PFKFB3: variants seen among roughly 807,000 people sequenced by gnomAD.
The protein encoded by PFKFB3 is 6-phosphofructo-2-kinase/fructose-2,6-biphosphatase 3.
PFKFB3 carries 33 observed loss-of-function variants against 68.0 expected under a neutral mutation model. The observed-to-expected ratio is 0.49, with a 90% CI of 0.37 to 0.65. The LOEUF is 0.65. Among genes scored for constraint, PFKFB3 ranks in the 30% least tolerant of loss-of-function variants. The pLI is 0.00. For synonymous variants in PFKFB3, 315 were observed against 288.2 expected, an observed-to-expected ratio of 1.09 and a Z score of -0.94; for missense variants, 586 against 712.2, an observed-to-expected ratio of 0.82 and a Z score of 2.02.
At chr10:6,268,507 C>A in the PFKFB3 span, among the ~76,000 whole-genome samples, 2 of 152,028 alleles carry the variant, frequency 1.3e-5, no homozygotes, top group African/African-American at 4.8e-5. Flanking sequence ...CACCTGTAAT[C>A]CCAGCTACTC....
the PFKFB3 span, among the ~76,000 whole-genome samples, chr10:6,308,806 T>A: frequency 6.6e-6 from 1 of 152,358 alleles, no homozygotes; most frequent in East Asian, 1.9e-4. Flanking sequence ...TCAGTGTAAA[T>A]CTTTCTTGTT....
intron 1 of PFKFB3, among the ~76,000 whole-genome samples, chr10:6,184,274 A>C (rs942334116): frequency 1.3e-5 from 2 of 151,656 alleles, no homozygotes; most frequent in African/African-American, 4.8e-5. Context: ...CCTGGTCTCG[A>C]GCTTCTGACC....
At chr10:6,263,151 A>G in the PFKFB3 span, among the ~76,000 whole-genome samples, 2 of 152,234 alleles carry the variant, frequency 1.3e-5, no homozygotes, top group South Asian at 2.1e-4. Context: ...AGTCCTTAGC[A>G]TTGTTTCTAT....
intron 14 of PFKFB3, among the ~76,000 whole-genome samples, chr10:6,251,944 G>A (rs1846390499): frequency 6.6e-6 from 1 of 152,020 alleles, no homozygotes; most frequent in Non-Finnish European, 1.5e-5. Context: ...CTCCAGCCTG[G>A]GTGACAGAGT....
chr10:6,283,257 C>G, the PFKFB3 span, among the ~76,000 whole-genome samples: 4 of 152,172 alleles, frequency 2.6e-5, no homozygotes, highest in African/African-American at 9.7e-5. Context: ...AGTGAGCCAC[C>G]GCGCCCAGCC....
intron 1 of PFKFB3, among the ~76,000 whole-genome samples, chr10:6,184,033 G>T (rs1225674522): frequency 1.1e-5 from 1 of 93,108 alleles, no homozygotes; most frequent in East Asian, 3.2e-4. Flanking sequence ...CATCACTGGA[G>T]ATGCTTTTTG....
chr10:6,224,104 T>C, intron 12 of PFKFB3, 45 bp from the exon 13 acceptor site: 2 of 1,612,810 alleles, frequency 1.2e-6, no homozygotes, highest in Non-Finnish European at 8.5e-7. Context: ...AGCGGTGCTG[T>C]CCCTTTAACA....
chr10:6,231,326 G>A, intron 14 of PFKFB3: 2 of 1,612,376 alleles, frequency 1.2e-6, no homozygotes, highest in South Asian at 2.2e-5. Flanking sequence ...TAAATGCCTG[G>A]GTGCATGTCC....
chr10:6,180,885 G>A (rs1292706131), intron 1 of PFKFB3, among the ~76,000 whole-genome samples: 4 of 152,134 alleles, frequency 2.6e-5, no homozygotes, highest in African/African-American at 7.2e-5. Flanking sequence ...GCAGAATTGT[G>A]GTATGTGTTC....
chr10:6,298,475 A>G, the PFKFB3 span, among the ~76,000 whole-genome samples: 91 of 151,752 alleles, frequency 6.0e-4, no homozygotes, highest in East Asian at 0.014. Context: ...TGGGGTCAAG[A>G]GATCCTCTCA....
At chr10:6,207,426 GGGGAGA>G (rs369748729) in intron 1 of PFKFB3, among the ~76,000 whole-genome samples, 1,614 of 152,256 alleles carry the variant, frequency 0.011, 15 homozygotes, top group African/African-American at 0.026. Context: ...GGGAGACCGT[GGGGAGA>G]GGGAGAGGGA....
chr10:6,250,351 A>G (rs1846352812), intron 14 of PFKFB3, among the ~76,000 whole-genome samples: 1 of 151,996 alleles, frequency 6.6e-6, no homozygotes. Context: ...AGATCACGAG[A>G]TCAGGCAATC....
chr10:6,210,241 TTTAG>T (rs1844079786), intron 1 of PFKFB3, among the ~76,000 whole-genome samples: 1 of 119,624 alleles, frequency 8.4e-6, no homozygotes, highest in East Asian at 2.2e-4. Flanking sequence ...GACAAAAAGA[TTTAG>T]TAAGGATTTG....
At chr10:6,280,161 G>A in the PFKFB3 span, among the ~76,000 whole-genome samples, 983 of 152,294 alleles carry the variant, frequency 6.5e-3, 7 homozygotes, top group African/African-American at 0.022. Context: ...CAGTGCTGGC[G>A]TCTCTTCCTC....
rs868841947 is a variant in PFKFB3, at chr10:6,206,489, T to C, written c.76+3153T>C. On this transcript the variant is annotated intron_variant, in intron 1 of 14. Coordinates refer to ENST00000379775, the MANE Select transcript of PFKFB3 (RefSeq NM_004566.4). ...TGGGTACACCTCCCAGACGGGGTGG[T>C]GGCCGGGCAGAGGGGCTCCTCACTT... is the stretch of plus-strand genomic sequence containing the variant. Among the ~76,000 whole-genome samples the C allele has an allele frequency of 1.7e-3, 157 of 94,958 alleles. 4 individuals carry two copies. Among genetic ancestry groups the C allele is most frequent in the African/African-American group, 7.0e-3 (125 of 17,796 alleles). The allele number at this position is 94,958 out of a possible 152,430, so 62.3% of individuals were successfully genotyped here.
the PFKFB3 span, among the ~76,000 whole-genome samples, chr10:6,289,747 A>G: frequency 6.6e-6 from 1 of 152,122 alleles, no homozygotes; most frequent in Non-Finnish European, 1.5e-5. Context: ...GAAGAAAGTC[A>G]TTGGTAGCTT....
the PFKFB3 span, among the ~76,000 whole-genome samples, chr10:6,268,883 C>T: frequency 6.6e-6 from 1 of 151,006 alleles, no homozygotes; most frequent in Non-Finnish European, 1.5e-5. Context: ...ACTAGCTGGG[C>T]ATGGTGGTGC....
At position 6,228,275 on chromosome 10, in the gene PFKFB3, T is replaced by C. The variant is rs1336065092; in HGVS notation, c.1515+1910T>C. The C allele has an allele frequency of 9.4e-6, 15 of 1,593,800 alleles. No individual in the cohort carries two copies. The highest frequency in any genetic ancestry group is 1.2e-5 in the Non-Finnish European group (14 of 1,163,028). Reference sequence around the variant, plus strand: ...GCACTGCTTTCTTCCTGCTTGCTCATTTGGCCTCCTGCCTGTTAAAATATT... The same window carrying C: ...GCACTGCTTTCTTCCTGCTTGCTCACTTGGCCTCCTGCCTGTTAAAATATT... On this transcript the variant is annotated intron_variant, in intron 14 of 14. Coordinates refer to ENST00000379775, the MANE Select transcript of PFKFB3 (RefSeq NM_004566.4). The surrounding 1 kb of genome is among the most constrained non-coding windows in gnomAD (Gnocchi z 4.5).
the PFKFB3 span, among the ~76,000 whole-genome samples, chr10:6,310,888 G>A: frequency 2.0e-5 from 3 of 152,140 alleles, no homozygotes; most frequent in African/African-American, 7.2e-5. Flanking sequence ...TAGTATATCT[G>A]CATCATTTCT....
Sources: allele counts gnomAD v4.1 joint callset (sites outside exome capture counted in the v4.1 genomes callset), GRCh38; gene constraint gnomAD v4.1.1; non-coding constraint Gnocchi (gnomAD v3.1); transcripts MANE v1.5; gene names NCBI Gene and HGNC (gene_info 2026-07-23, HGNC 2026-07-21).